ADAMTSL1: variants seen among roughly 807,000 people sequenced by gnomAD.
ADAMTSL1 encodes ADAMTS-like protein 1.
In ADAMTSL1, 126 loss-of-function variants were observed where a neutral mutation model predicts 201.8. The observed-to-expected ratio is 0.62, with a 90% CI of 0.54 to 0.72. The LOEUF (loss-of-function observed/expected upper bound fraction) is 0.72. ADAMTSL1 is among the 30% of genes least tolerant of loss of function. ADAMTSL1 has a pLI of 0.00. For missense variants in ADAMTSL1, 2,679 were observed against 2,277.8 expected (o/e 1.18, Z -3.59); for synonymous variants, 1,121 against 903.4 (o/e 1.24, Z -4.32).
rs375384004 is a variant in ADAMTSL1 at position 18,777,094 on chromosome 9, C to T, written c.2865C>T (p.His955=). 9 of 1,613,134 alleles carry T rather than the reference C, an allele frequency of 5.6e-6. No homozygotes were observed. The highest frequency in any genetic ancestry group is 4.0e-5 in the African/African-American group (3 of 74,946). The part of the protein sequence containing the change: ...YTCSAGPARE[H]FVIKLIGGNR... ...GCTCAGCGGGCCCGGCCCGGGAGCA[C>T]TTTGTGATTAAGCTCATCGGAGGCA... Residue 955 remains histidine (H), a synonymous_variant, in exon 19 of 29, where the codon CAC becomes CAT. Transcript: ENST00000380548.
chr9:18,048,263 GGA>G (rs1276928371), intron 1 of ADAMTSL1, among the ~76,000 whole-genome samples: 3 of 152,052 alleles, frequency 2.0e-5, no homozygotes, highest in Non-Finnish European at 4.4e-5. Context: ...GTCTTTTGGT[GGA>G]TCTATTCTGC....
chr9:18,622,180 C>T (rs145599397), intron 4 of ADAMTSL1, 63 bp from the exon 5 acceptor site: 4 of 1,582,730 alleles, frequency 2.5e-6, no homozygotes, highest in Non-Finnish European at 3.4e-6. Flanking sequence ...GGTGATTGGC[C>T]TCATAATGGA....
chr9:18,050,851 G>T (rs77633909), intron 1 of ADAMTSL1, among the ~76,000 whole-genome samples: 194 of 152,162 alleles, frequency 1.3e-3, no homozygotes, highest in African/African-American at 4.4e-3. Context: ...GCTTGTTTTG[G>T]TAAAAAAAGG....
chr9:18,906,899 C>G lies in ADAMTSL1; in HGVS notation c.5169C>G (p.Thr1723=). The change falls in exon 28 of 29, where the codon ACC becomes ACG. Residue 1723 remains threonine, a synonymous_variant. Coordinates refer to ENST00000380548, the MANE Select transcript of ADAMTSL1 (RefSeq NM_001040272.6). ...CCAACTGGCAGCGCTGCAACATCACCCCATGTGAAAACAGTATGTTCCAAC... is the reference window on the plus strand; with the variant it reads ...CCAACTGGCAGCGCTGCAACATCACGCCATGTGAAAACAGTATGTTCCAAC... ...RPANWQRCNI[T]PCENMECRDT... 3 of 1,613,924 alleles carry G rather than the reference C, an allele frequency of 1.9e-6. No homozygotes were observed. The highest frequency in any genetic ancestry group is 2.5e-6 in the Non-Finnish European group (3 of 1,179,862).
intron 2 of ADAMTSL1, among the ~76,000 whole-genome samples, chr9:18,306,029 C>A (rs533735218): frequency 7.2e-5 from 11 of 152,286 alleles, no homozygotes; most frequent in Admixed American, 3.3e-4. Flanking sequence ...GCAATTTTTA[C>A]TGTTCTGTAG....
At chr9:18,375,484 ATACAAGT>A (rs1261517821) in intron 2 of ADAMTSL1, among the ~76,000 whole-genome samples, 1 of 152,216 alleles carries the variant, frequency 6.6e-6, no homozygotes, top group African/African-American at 2.4e-5. Context: ...GTGCTGACAA[ATACAAGT>A]TTATTTTAAA....
intron 2 of ADAMTSL1, among the ~76,000 whole-genome samples, chr9:18,196,026 G>A (rs1427741160): frequency 6.6e-6 from 1 of 152,044 alleles, no homozygotes; most frequent in Non-Finnish European, 1.5e-5. Context: ...GTTAGGACTG[G>A]TCAAATAAGT....
chr9:18,352,299 G>A (rs1332551837), intron 2 of ADAMTSL1, among the ~76,000 whole-genome samples: 1 of 152,100 alleles, frequency 6.6e-6, no homozygotes, highest in African/African-American at 2.4e-5. Flanking sequence ...TACTATATAT[G>A]GGGGAAATGG....
At chr9:18,718,314 A>T in intron 14 of ADAMTSL1, 1 of 744,288 alleles carries the variant, frequency 1.3e-6, no homozygotes, top group South Asian at 1.4e-5. Flanking sequence ...TCCATTTCTC[A>T]TGTACAAATC....
chr9:17,936,389 T>C (rs1755287), intron 1 of ADAMTSL1, among the ~76,000 whole-genome samples: 149,609 of 152,288 alleles, frequency 0.98, 73,501 homozygotes, highest in East Asian at 1. Context: ...AGTGAAAGAT[T>C]ACTGGTGACA....
chr9:17,939,827 G>A (rs1238992050), intron 1 of ADAMTSL1, among the ~76,000 whole-genome samples: 1 of 152,112 alleles, frequency 6.6e-6, no homozygotes, highest in Admixed American at 6.6e-5. Context: ...TTATGGTAGA[G>A]TATATCTACT....
At chr9:18,256,906 C>T (rs188266250) in intron 2 of ADAMTSL1, among the ~76,000 whole-genome samples, 2 of 152,208 alleles carry the variant, frequency 1.3e-5, no homozygotes, top group East Asian at 3.8e-4. Flanking sequence ...CCCCCACTGA[C>T]TTTTACCCCT....
At chr9:18,626,878 C>CTGTCTTT (rs1461320087) in intron 5 of ADAMTSL1, among the ~76,000 whole-genome samples, 22 of 90,070 alleles carry the variant, frequency 2.4e-4, no homozygotes, top group African/African-American at 1.2e-3. Context: ...TGTCTTTCTT[C>CTGTCTTT]CTTCCTTCCT....
At chr9:18,469,688 T>C (rs981786811), upstream of ADAMTSL1, among the ~76,000 whole-genome samples, 2 of 152,258 alleles carry the variant, frequency 1.3e-5, no homozygotes, top group Non-Finnish European at 2.9e-5. Context: ...TGCCTGCCTC[T>C]TGACACCTGC....
At chr9:18,786,063 GACTT>G (rs1390391259) in intron 19 of ADAMTSL1, among the ~76,000 whole-genome samples, 1 of 152,196 alleles carries the variant, frequency 6.6e-6, no homozygotes, top group African/African-American at 2.4e-5. Context: ...TTTTAAGTAA[GACTT>G]TCTTTTCTTT....
chr9:18,359,909 A>G (rs1478226056), intron 2 of ADAMTSL1, among the ~76,000 whole-genome samples: 2 of 142,578 alleles, frequency 1.4e-5, no homozygotes, highest in Admixed American at 1.5e-4. Flanking sequence ...AACTTTGAAA[A>G]AGTTATTTAA....
intron 19 of ADAMTSL1, among the ~76,000 whole-genome samples, chr9:18,788,779 A>G (rs1821855685): frequency 6.6e-6 from 1 of 152,082 alleles, no homozygotes; most frequent in Non-Finnish European, 1.5e-5. Flanking sequence ...ATTTGCACAA[A>G]CTTTGCTTAC....
intron 2 of ADAMTSL1, among the ~76,000 whole-genome samples, chr9:18,250,943 A>T (rs1184974375): frequency 2.6e-5 from 4 of 152,152 alleles, no homozygotes; most frequent in African/African-American, 9.7e-5. Context: ...ATGACAACTC[A>T]CTAAAGAAAA....
chr9:18,848,298 G>C (rs994439396), intron 23 of ADAMTSL1, among the ~76,000 whole-genome samples: 3 of 152,164 alleles, frequency 2.0e-5, no homozygotes, highest in Non-Finnish European at 4.4e-5. Context: ...TGATTCTCAG[G>C]GATTGAGGAG....
Sources: allele counts gnomAD v4.1 joint callset (sites outside exome capture counted in the v4.1 genomes callset), GRCh38; gene constraint gnomAD v4.1.1; transcripts MANE v1.5; gene names NCBI Gene and HGNC (gene_info 2026-07-23, HGNC 2026-07-21).